Variants in SGPP2 observed in about 807,000 individuals in gnomAD.
The protein encoded by SGPP2 is sphingosine 1-phosphate phosphohydrolase 2.
In SGPP2, 30 loss-of-function variants were observed where a neutral mutation model predicts 33.9. The observed-to-expected ratio is 0.89, with a 90% confidence interval of 0.66 to 1.20. The LOEUF (loss-of-function observed/expected upper bound fraction) is 1.20. Ranked by LOEUF, SGPP2 falls within the 50% of genes most tolerant of loss-of-function variation. The pLI is 0.00. For missense variants in SGPP2, 458 were observed against 532.1 expected (o/e 0.86, Z 1.37); for synonymous variants, 233 against 225.0 (o/e 1.04, Z -0.32).
intron 1 of SGPP2, among the ~76,000 whole-genome samples, chr2:222,426,512 G>A (rs961800644): frequency 6.6e-6 from 1 of 152,184 alleles, no homozygotes; most frequent in Non-Finnish European, 1.5e-5. Context: ...AAGCTAAGCA[G>A]ATTTCTTACA....
chr2:222,557,804 T>C (rs1212782014), intron 4 of SGPP2, among the ~76,000 whole-genome samples: 1 of 152,214 alleles, frequency 6.6e-6, no homozygotes, highest in Non-Finnish European at 1.5e-5. Flanking sequence ...GGTAGTAGTG[T>C]CAAGGCTGAC....
chr2:222,553,239 A>T (rs1212058155), intron 4 of SGPP2, among the ~76,000 whole-genome samples: 1 of 152,256 alleles, frequency 6.6e-6, no homozygotes, highest in Non-Finnish European at 1.5e-5. Flanking sequence ...GAAAGGAAGT[A>T]GCTTTTAAAT....
chr2:222,445,135 A>T (rs1173196190), intron 1 of SGPP2, among the ~76,000 whole-genome samples: 3 of 152,154 alleles, frequency 2.0e-5, no homozygotes, highest in Non-Finnish European at 2.9e-5. Context: ...TAAGGTGAAG[A>T]TAGTAACTAA....
intron 2 of SGPP2, among the ~76,000 whole-genome samples, chr2:222,506,234 G>A (rs1698443581): frequency 6.6e-6 from 1 of 152,186 alleles, no homozygotes. Flanking sequence ...ACAGTAAAAA[G>A]TGATCTCTTA....
chr2:222,452,909 C>T, intron 1 of SGPP2: 22 of 1,595,112 alleles, frequency 1.4e-5, no homozygotes, highest in Non-Finnish European at 1.9e-5. Context: ...AGCTAAGGTT[C>T]AGGATATTGG....
intron 2 of SGPP2, among the ~76,000 whole-genome samples, chr2:222,492,375 G>A (rs1016830770): frequency 2.0e-5 from 3 of 152,218 alleles, no homozygotes; most frequent in Non-Finnish European, 4.4e-5. Flanking sequence ...CTTGACTTCT[G>A]TGTGCCCACA....
intron 2 of SGPP2, among the ~76,000 whole-genome samples, chr2:222,521,553 T>C (rs1159435906): frequency 1.3e-5 from 2 of 152,254 alleles, no homozygotes; most frequent in Non-Finnish European, 2.9e-5. Context: ...ATTAATGTCA[T>C]ATCTTAGTTG....
intron 4 of SGPP2, among the ~76,000 whole-genome samples, chr2:222,547,068 C>G (rs1689213726): frequency 6.6e-6 from 1 of 152,174 alleles, no homozygotes; most frequent in Admixed American, 6.5e-5. Flanking sequence ...AGCACTGAAA[C>G]AGTGTAGATG....
intron 1 of SGPP2, among the ~76,000 whole-genome samples, chr2:222,429,283 A>G (rs965203015): frequency 6.6e-6 from 1 of 152,174 alleles, no homozygotes; most frequent in African/African-American, 2.4e-5. Context: ...CCTGGGACCC[A>G]CCACCCTTAG....
Position 222,541,730 on chromosome 2 carries a change from C to T in SGPP2, c.649-16617C>T, listed in dbSNP as rs527831829. ...CTGGGTGCAAGTGATTCTCGTGCCT[C>T]AGCCTCCCGAGTAGCTAGGATTACA... On this transcript the variant is annotated intron_variant, in intron 4 of 4. Transcript: ENST00000321276. 3.7e-4 allele frequency among the ~76,000 whole-genome samples: 56 copies of T among 152,122 alleles called. No individual in the cohort carries two copies. The South Asian group carries it at 5.6e-3, about 15-fold the overall frequency.
rs1480464319 is a variant in SGPP2, at chr2:222,521,938, A to C, written c.550A>C (p.Arg184=). 4 of 1,533,884 alleles carry C rather than the reference A, an allele frequency of 2.6e-6. No homozygotes were observed. Among genetic ancestry groups the C allele is most frequent in the Non-Finnish European group, 3.5e-6 (4 of 1,140,816 alleles). Reference sequence around the variant, plus strand: ...CACCCTCCTTATCTCTACTATGGACAGATACCAGGTAAGGTGGCCTGGTTC... The same window carrying C: ...CACCCTCCTTATCTCTACTATGGACCGATACCAGGTAAGGTGGCCTGGTTC... ...AFTLLISTMD[R]YQYPFVLGLV... Residue 184 remains arginine, a synonymous_variant, in exon 3 of 5, where the codon AGA becomes CGA. Transcript: ENST00000321276.
intron 1 of SGPP2, among the ~76,000 whole-genome samples, chr2:222,429,767 C>T (rs4674648): frequency 0.77 from 116,783 of 152,142 alleles, 44,957 homozygotes; most frequent in Middle Eastern, 0.88. Flanking sequence ...AGACTTGAAA[C>T]TGTTGAGTGA....
In SGPP2 at chr2:222,433,053, G is replaced by A. The variant is rs547169556; in HGVS notation, c.219+8232G>A. 1.8e-3 allele frequency among the ~76,000 whole-genome samples: 220 copies of A among 119,942 alleles called. No homozygotes were observed. In the Middle Eastern group the frequency reaches 0.021, roughly 11 times the overall value. The allele number at this position is 119,942 out of a possible 152,430, so 78.7% of individuals were successfully genotyped here. A position where few individuals can be genotyped will look rare whatever the true frequency, so the allele number is the denominator to read the frequency against. On this transcript the variant is annotated intron_variant, in intron 1 of 4. Transcript: ENST00000321276. The stretch of plus-strand genomic sequence containing the variant: ...AAAGAGAGAAAGAAAGAAAGAAAGA[G>A]AGAGAAAGAGAGGAGAGAAGGAGGG...
chr2:222,442,723 A>G (rs903605000), intron 1 of SGPP2, among the ~76,000 whole-genome samples: 3 of 152,180 alleles, frequency 2.0e-5, no homozygotes, highest in Non-Finnish European at 4.4e-5. Context: ...TCTTTTTGCA[A>G]TGTGTTTCTG....
chr2:222,503,165 G>C (rs774981175), intron 2 of SGPP2, among the ~76,000 whole-genome samples: 31 of 152,170 alleles, frequency 2.0e-4, no homozygotes, highest in Admixed American at 3.3e-4. Context: ...TTTAGATTAT[G>C]TAGCCCATTC....
At chr2:222,506,198 C>T (rs1279041036) in intron 2 of SGPP2, among the ~76,000 whole-genome samples, 2 of 152,328 alleles carry the variant, frequency 1.3e-5, no homozygotes, top group African/African-American at 4.8e-5. Flanking sequence ...TCCACGTGAA[C>T]AGTTGTCTCT....
intron 1 of SGPP2, among the ~76,000 whole-genome samples, chr2:222,433,644 CTT>C (rs535978096): frequency 9.5e-4 from 144 of 152,268 alleles, no homozygotes; most frequent in African/African-American, 3.3e-3. Flanking sequence ...ACAGAGGTAA[CTT>C]ATCCCTGGAC....
At chr2:222,494,295 C>T (rs1212306925) in intron 2 of SGPP2, among the ~76,000 whole-genome samples, 2 of 152,164 alleles carry the variant, frequency 1.3e-5, no homozygotes, top group African/African-American at 4.8e-5. Flanking sequence ...TTAAAAAAAT[C>T]CTTAAGCTAA....
rs375371682 is a variant in SGPP2, at chr2:222,507,968, A to G, written c.379-13799A>G. ...TGTTTGAAGGAGGGTGAGCTTATGC[A>G]TGATTTTCATGTTTGAGTGTGCTCT... On this transcript the variant is annotated intron_variant, in intron 2 of 4. Coordinates refer to ENST00000321276, the MANE Select transcript of SGPP2 (RefSeq NM_152386.4). Among the ~76,000 whole-genome samples, 54 of 152,282 alleles carry G rather than the reference A, an allele frequency of 3.5e-4. No individual in the cohort carries two copies. In the Middle Eastern group the frequency reaches 0.01, roughly 29 times the overall value.
Sources: allele counts gnomAD v4.1 joint callset (sites outside exome capture counted in the v4.1 genomes callset), GRCh38; gene constraint gnomAD v4.1.1; transcripts MANE v1.5; gene names NCBI Gene and HGNC (gene_info 2026-07-23, HGNC 2026-07-21).